The following SPINT2 variants were observed in gnomAD, a reference collection of about 807,000 sequenced individuals.
The protein encoded by SPINT2 is serine peptidase inhibitor, Kunitz type 2.
In SPINT2, 18 loss-of-function variants were observed where a neutral mutation model predicts 30.1. That is an observed-to-expected ratio of 0.60 (90% CI 0.41 to 0.89). The LOEUF is 0.89. Ranked by LOEUF, SPINT2 falls within the 40% of genes least tolerant of loss-of-function variation. The probability of loss-of-function intolerance (pLI) is 0.00; values close to 1 mark genes in which losing one functional copy is unlikely to be tolerated. For missense variants in SPINT2, 276 were observed against 334.3 expected, an observed-to-expected ratio of 0.83 and a Z score of 1.36; for synonymous variants, 139 against 137.9, an observed-to-expected ratio of 1.01 and a Z score of -0.05.
chr19:38,288,990 A>C, intron 3 of SPINT2, 148 bp from the exon 4 acceptor site: 1 of 735,418 alleles, frequency 1.4e-6, no homozygotes, highest in Non-Finnish European at 2.5e-6. Flanking sequence ...GGCTGGGGTG[A>C]CGTGGCAGAG....
At chr19:38,274,890 A>G (rs1180462855) in intron 1 of SPINT2, among the ~76,000 whole-genome samples, 2 of 151,348 alleles carry the variant, frequency 1.3e-5, no homozygotes, top group Non-Finnish European at 2.9e-5. Flanking sequence ...CACTGGAGAG[A>G]CTCTGGATCT....
intron 4 of SPINT2, 56 bp downstream of exon 4, chr19:38,289,247 G>C: frequency 6.8e-7 from 1 of 1,478,046 alleles, no homozygotes; most frequent in Middle Eastern, 1.7e-4. Context: ...CCAGCGCTTT[G>C]GGAGGCTGAG....
chr19:38,268,756 T>TGCGC (rs67698523), intron 1 of SPINT2, among the ~76,000 whole-genome samples: 62 of 148,944 alleles, frequency 4.2e-4, no homozygotes, highest in African/African-American at 1.5e-3. Context: ...AGAGAGAGCA[T>TGCGC]GCGCGCGCGC....
In SPINT2 at chr19:38,270,222, C is replaced by A. The variant is rs533392821; in HGVS notation, c.106+5224C>A. On this transcript the variant is annotated intron_variant, in intron 1 of 6. Transcript: ENST00000301244. ...GGTCAGAGATAAGATGACAGAAGAG[C>A]TAAAGTAAAGCTGGTGTTGGCGATC... 2.0e-4 allele frequency among the ~76,000 whole-genome samples: 30 copies of A among 152,286 alleles called. No homozygotes were observed. The East Asian group carries it at 5.8e-3, about 29-fold the overall frequency.
At chr19:38,281,412 C>T (rs536932663) in intron 1 of SPINT2, among the ~76,000 whole-genome samples, 1 of 152,106 alleles carries the variant, frequency 6.6e-6, no homozygotes, top group East Asian at 1.9e-4. Flanking sequence ...GACCCTATCT[C>T]AAAAACAATT....
At chr19:38,268,766 C>CGTGTGTGTGTGTGTGTGT (rs10526704) in intron 1 of SPINT2, among the ~76,000 whole-genome samples, 17 of 149,922 alleles carry the variant, frequency 1.1e-4, no homozygotes, top group African/African-American at 3.7e-4. Context: ...TGCGCGCGCG[C>CGTGTGTGTGTGTGTGTGT]GTGTGTGTGT....
intron 2 of SPINT2, among the ~76,000 whole-genome samples, chr19:38,284,503 AG>A: frequency 6.6e-6 from 1 of 152,322 alleles, no homozygotes; most frequent in East Asian, 1.9e-4. Context: ...CAGAAGAAAC[AG>A]GCACCGTGTG....
Position 38,264,708 on chromosome 19 carries a change from C to G in SPINT2, c.-185C>G, listed in dbSNP as rs907618249. 1 of 605,576 alleles carries G rather than the reference C, an allele frequency of 1.7e-6. No individual in the cohort carries two copies. Among genetic ancestry groups the G allele is most frequent in the Admixed American group, 3.0e-5 (1 of 33,828 alleles). The allele number at this position is 605,576 out of a possible 1,614,324, so 37.5% of individuals were successfully genotyped here. A position where few individuals can be genotyped will look rare whatever the true frequency, so the allele number is the denominator to read the frequency against. On this transcript the variant is annotated 5_prime_UTR_variant, in exon 1 of 7. Coordinates refer to ENST00000301244, the MANE Select transcript of SPINT2 (RefSeq NM_021102.4). ...GGCATCGCGCGCCGAGAAGGCCGGG[C>G]GTCCCCACACTGAAGGTCCGGAAAG...
Position 38,282,834 on chromosome 19 carries a change from G to T in SPINT2, c.107-793G>T, listed in dbSNP as rs59108647. On this transcript the variant is annotated intron_variant, in intron 1 of 6. Transcript: ENST00000301244. ...GTGTCCTGTGGCCTGCCTGGGCAGAGAGTGGACAGGAAAGATCAGGAAAAG... is the reference window on the plus strand; with the variant it reads ...GTGTCCTGTGGCCTGCCTGGGCAGATAGTGGACAGGAAAGATCAGGAAAAG... Among the ~76,000 whole-genome samples, 715 of 152,322 alleles carry T rather than the reference G, an allele frequency of 4.7e-3. 8 individuals are homozygous for T. The highest frequency in any genetic ancestry group is 0.017 in the African/African-American group (691 of 41,572).
chr19:38,266,952 C>G (rs1968385932), intron 1 of SPINT2, among the ~76,000 whole-genome samples: 1 of 152,082 alleles, frequency 6.6e-6, no homozygotes, highest in Non-Finnish European at 1.5e-5. Flanking sequence ...GGTGCTTACT[C>G]TGAGCTGGGA....
intron 1 of SPINT2, among the ~76,000 whole-genome samples, chr19:38,274,116 A>G (rs1968488698): frequency 6.6e-6 from 1 of 152,014 alleles, no homozygotes; most frequent in Admixed American, 6.6e-5. Context: ...CTATAGTCCC[A>G]GCTACTTGGA....
chr19:38,264,695 C>G lies in SPINT2; in HGVS notation c.-198C>G, dbSNP rs951704599. The G allele has an allele frequency of 1.7e-6, 1 of 589,770 alleles. No individual in the cohort carries two copies. The highest frequency in any genetic ancestry group is 3.0e-6 in the Non-Finnish European group (1 of 336,308). 36.5% of individuals were successfully genotyped at this position (589,770 alleles called of 1,614,324 possible). A position where few individuals can be genotyped will look rare whatever the true frequency, so the allele number is the denominator to read the frequency against. On this transcript the variant is annotated 5_prime_UTR_variant, in exon 1 of 7. Coordinates refer to ENST00000301244, the MANE Select transcript of SPINT2 (RefSeq NM_021102.4). ...AGGAGCAGACCCAGGCATCGCGCGC[C>G]GAGAAGGCCGGGCGTCCCCACACTG... is the stretch of plus-strand genomic sequence containing the variant.
chr19:38,283,473 C>G (rs1269683512), intron 1 of SPINT2, among the ~76,000 whole-genome samples, 154 bp from the exon 2 acceptor site: 3 of 152,124 alleles, frequency 2.0e-5, no homozygotes, highest in South Asian at 4.1e-4. Flanking sequence ...ACTGAGTGGG[C>G]CTGTTGACGA....
At chr19:38,281,317 G>A (rs553745304) in intron 1 of SPINT2, among the ~76,000 whole-genome samples, 3 of 152,236 alleles carry the variant, frequency 2.0e-5, no homozygotes, top group Admixed American at 6.5e-5. Context: ...AGGAGGCTGA[G>A]GTGGGAGGAT....
chr19:38,276,261 A>G (rs914376056), intron 1 of SPINT2, among the ~76,000 whole-genome samples: 2 of 152,186 alleles, frequency 1.3e-5, no homozygotes, highest in Non-Finnish European at 2.9e-5. Context: ...TGGTGAGGCA[A>G]GAAGCTCTTG....
chr19:38,278,933 A>G (rs1968549096), intron 1 of SPINT2, among the ~76,000 whole-genome samples: 1 of 152,190 alleles, frequency 6.6e-6, no homozygotes, highest in Non-Finnish European at 1.5e-5. Flanking sequence ...CAAATGAGCA[A>G]ACAAAATCCC....
chr19:38,265,011 C>G lies in SPINT2; in HGVS notation c.106+13C>G. The G allele has an allele frequency of 7.5e-7, 1 of 1,325,644 alleles. No individual in the cohort carries two copies. The highest frequency in any genetic ancestry group is 9.7e-7 in the Non-Finnish European group (1 of 1,033,324). The allele number at this position is 1,325,644 out of a possible 1,614,324, so 82.1% of individuals were successfully genotyped here. On this transcript the variant is annotated intron_variant, in intron 1 of 6. Transcript: ENST00000301244. Reference sequence around the variant, plus strand: ...CGCAGCATCCACGGTGAGGGCCGGGCGGGTAGGCTGGAGGCGGGGCGCAGG... The same window carrying G: ...CGCAGCATCCACGGTGAGGGCCGGGGGGGTAGGCTGGAGGCGGGGCGCAGG...
chr19:38,289,144 G>A lies in SPINT2; in HGVS notation c.344G>A (p.Arg115Lys), dbSNP rs779983243. The change falls in exon 4 of 7, where the codon AGA (arginine) becomes AAA (lysine). Residue 115 changes from arginine (R) to lysine (K), a missense_variant. Transcript: ENST00000301244. ...AADSSVPSAP[R>K]RQDSEDHSSD... Reference sequence around the variant, plus strand: ...ACAGATGTTTGTGTTTCAGCTCCCAGAAGGCAGGATTCTGAAGACCACTCC... The same window carrying A: ...ACAGATGTTTGTGTTTCAGCTCCCAAAAGGCAGGATTCTGAAGACCACTCC... 3 of 1,614,008 alleles carry A rather than the reference G, an allele frequency of 1.9e-6. No individual in the cohort carries two copies. Among genetic ancestry groups the A allele is most frequent in the Non-Finnish European group, 2.5e-6 (3 of 1,179,962 alleles).
intron 1 of SPINT2, among the ~76,000 whole-genome samples, chr19:38,280,994 C>T (rs944658263): frequency 1.3e-5 from 2 of 152,202 alleles, no homozygotes; most frequent in Non-Finnish European, 2.9e-5. Flanking sequence ...CTGCTGGCGC[C>T]TCTGTAGCTG....
Sources: allele counts gnomAD v4.1 joint callset (sites outside exome capture counted in the v4.1 genomes callset), GRCh38; gene constraint gnomAD v4.1.1; transcripts MANE v1.5; gene names NCBI Gene and HGNC (gene_info 2026-07-23, HGNC 2026-07-21).